Variants in ZMYM4 observed in about 807,000 individuals in gnomAD.
The protein encoded by ZMYM4 is zinc finger MYM-type containing 4, also known as zinc finger MYM-type protein 4.
Under a neutral mutation model 183.2 loss-of-function variants are expected in ZMYM4, and 31 were observed. The observed-to-expected ratio is 0.17, with a 90% CI of 0.13 to 0.23. The LOEUF (loss-of-function observed/expected upper bound fraction) is 0.23, where lower values mean the gene tolerates loss of function less well. Ranked by LOEUF, ZMYM4 falls within the 10% of genes least tolerant of loss-of-function variation. The pLI, the probability that ZMYM4 is intolerant of heterozygous loss-of-function variation, is 1.00. For missense variants in ZMYM4, 1,273 were observed against 1,840.3 expected, an observed-to-expected ratio of 0.69 and a Z score of 5.64; for synonymous variants, 592 against 631.2, an observed-to-expected ratio of 0.94 and a Z score of 0.93.
In ZMYM4 at chr1:35,294,377, A is replaced by T. The variant is rs191471831; in HGVS notation, c.39+25292A>T. On this transcript the variant is annotated intron_variant, in intron 1 of 29. Transcript: ENST00000314607. Reference sequence around the variant, plus strand: ...AATTAATTAAAATTAATATTATTACATTAAGTATCCCAGTAGGGGTTTTAA... The same window carrying T: ...AATTAATTAAAATTAATATTATTACTTTAAGTATCCCAGTAGGGGTTTTAA... Among the ~76,000 whole-genome samples the T allele has an allele frequency of 3.5e-3, 527 of 152,326 alleles. 2 individuals carry two copies. The highest frequency in any genetic ancestry group is 4.8e-3 in the Non-Finnish European group (327 of 68,040).
At chr1:35,372,609 GAC>G (rs150976702) in intron 7 of ZMYM4, among the ~76,000 whole-genome samples, 3 of 151,988 alleles carry the variant, frequency 2.0e-5, no homozygotes, top group Non-Finnish European at 2.9e-5. Flanking sequence ...TACACACACA[GAC>G]ACACACACAC....
chr1:35,403,720 T>G (rs1028320267), intron 23 of ZMYM4, among the ~76,000 whole-genome samples: 2 of 138,124 alleles, frequency 1.4e-5, no homozygotes, highest in Admixed American at 1.5e-4. Context: ...TTTCTTTAAC[T>G]ATGATAGAAT....
At chr1:35,335,952 C>T (rs1642958153) in intron 2 of ZMYM4, among the ~76,000 whole-genome samples, 1 of 152,088 alleles carries the variant, frequency 6.6e-6, no homozygotes, top group Admixed American at 6.6e-5. Flanking sequence ...AAACAAAAAA[C>T]CATAAAATTT....
chr1:35,320,174 AG>A (rs1021839275), intron 1 of ZMYM4, among the ~76,000 whole-genome samples: 2 of 152,248 alleles, frequency 1.3e-5, no homozygotes, highest in Non-Finnish European at 2.9e-5. Flanking sequence ...ACTTGGGCTT[AG>A]GGCCAGGCCT....
At chr1:35,386,907 A>C in intron 11 of ZMYM4, 96 bp from the exon 12 acceptor site, 1 of 1,352,918 alleles carries the variant, frequency 7.4e-7, no homozygotes, top group South Asian at 1.4e-5. Flanking sequence ...GATGTACCTT[A>C]CATGCCTAGA....
intron 2 of ZMYM4, among the ~76,000 whole-genome samples, chr1:35,337,516 T>C (rs142594364): frequency 2.0e-5 from 3 of 152,330 alleles, no homozygotes; most frequent in African/African-American, 7.2e-5. Flanking sequence ...GTATAAGATG[T>C]GTTTCTTATG....
intron 2 of ZMYM4, among the ~76,000 whole-genome samples, chr1:35,345,026 T>C (rs1643340268): frequency 6.6e-6 from 1 of 152,236 alleles, no homozygotes; most frequent in Non-Finnish European, 1.5e-5. Flanking sequence ...CATTTCTCTA[T>C]CTGCACAGTC....
intron 2 of ZMYM4, among the ~76,000 whole-genome samples, chr1:35,346,798 T>C (rs1643413438): frequency 6.6e-6 from 1 of 152,184 alleles, no homozygotes; most frequent in East Asian, 1.9e-4. Flanking sequence ...ATAGCAACAT[T>C]TCTATAGATG....
rs1003454313 is a variant in ZMYM4, at chr1:35,348,008, A to G, written c.86-10917A>G. ...ATTGCTGAATGTTTTATCAGTTTAT[A>G]TAGATACCTCTAATCTTCTTGATCA... On this transcript the variant is annotated intron_variant, in intron 2 of 29. Transcript: ENST00000314607. 2.6e-5 allele frequency among the ~76,000 whole-genome samples: 4 copies of G among 152,324 alleles called. No homozygotes were observed. The Middle Eastern group carries it at 0.014, about 518-fold the overall frequency.
chr1:35,327,521 A>G (rs1212853680), intron 2 of ZMYM4, among the ~76,000 whole-genome samples: 1 of 152,132 alleles, frequency 6.6e-6, no homozygotes, highest in Non-Finnish European at 1.5e-5. Context: ...TTAGTTTAAT[A>G]TTTTAGAATG....
At chr1:35,271,276 A>G (rs1003610339) in intron 1 of ZMYM4, among the ~76,000 whole-genome samples, 1 of 152,176 alleles carries the variant, frequency 6.6e-6, no homozygotes, top group African/African-American at 2.4e-5. Context: ...AACAAATTCA[A>G]CTAGATTTTA....
chr1:35,416,915 T>C (rs1170684272), intron 28 of ZMYM4, among the ~76,000 whole-genome samples: 1 of 152,174 alleles, frequency 6.6e-6, no homozygotes, highest in African/African-American at 2.4e-5. Context: ...TGTTTCCCTG[T>C]TTGCTGATTG....
At chr1:35,410,014 C>T (rs1369963178) in intron 26 of ZMYM4, among the ~76,000 whole-genome samples, 1 of 151,910 alleles carries the variant, frequency 6.6e-6, no homozygotes. Flanking sequence ...GCTCCAGCAT[C>T]TGCTTCTGGT....
intron 1 of ZMYM4, among the ~76,000 whole-genome samples, chr1:35,313,345 A>G (rs1030877414): frequency 6.9e-6 from 1 of 144,972 alleles, no homozygotes; most frequent in Non-Finnish European, 1.5e-5. Flanking sequence ...TATCTTAAGT[A>G]TTTTAAAGGT....
intron 1 of ZMYM4, among the ~76,000 whole-genome samples, chr1:35,293,698 G>A (rs1057380133): frequency 1.3e-5 from 2 of 152,034 alleles, no homozygotes; most frequent in Admixed American, 6.6e-5. Context: ...TAGGTTTAGC[G>A]CACATGAAAT....
In ZMYM4 at chr1:35,370,061, A is replaced by G. The variant is rs1163462618; in HGVS notation, c.873A>G (p.Gln291=). Residue 291 remains glutamine (Q), a synonymous_variant, in exon 6 of 30, where the codon CAA becomes CAG. Transcript: ENST00000314607. ...GTCATGGCCAACAGCAAAAAACTCA[A>G]GAGGGGGAACTGAAAATTAGTGCTG... ...EYSHGQQQKT[Q]EGELKISAVF... The G allele has an allele frequency of 2.5e-6, 4 of 1,613,348 alleles. No individual in the cohort carries two copies. The highest frequency in any genetic ancestry group is 3.4e-6 in the Non-Finnish European group (4 of 1,179,584).
chr1:35,349,875 C>G (rs1643535817), intron 2 of ZMYM4, among the ~76,000 whole-genome samples: 1 of 149,922 alleles, frequency 6.7e-6, no homozygotes, highest in Non-Finnish European at 1.5e-5. Flanking sequence ...AAAGTGCTAA[C>G]TTAAGCTTTT....
intron 1 of ZMYM4, among the ~76,000 whole-genome samples, chr1:35,285,874 A>G (rs1434933808): frequency 6.6e-6 from 1 of 152,216 alleles, no homozygotes; most frequent in Non-Finnish European, 1.5e-5. Context: ...TTAATAAACT[A>G]GGAAAAGAGG....
chr1:35,412,670 A>G (rs1639961076), intron 26 of ZMYM4, among the ~76,000 whole-genome samples: 1 of 152,040 alleles, frequency 6.6e-6, no homozygotes, highest in Non-Finnish European at 1.5e-5. Flanking sequence ...CTTTTTCTTT[A>G]TTTTGAACTT....
Sources: gnomAD v4.1 joint callset for allele counts (sites outside exome capture counted in the v4.1 genomes callset) on GRCh38, gnomAD v4.1.1 for gene constraint, MANE v1.5 for transcripts, NCBI Gene and HGNC (gene_info 2026-07-23, HGNC 2026-07-21) for gene names.